Variants in MAGI2 observed in about 807,000 individuals in gnomAD.
The protein encoded by MAGI2 is membrane-associated guanylate kinase, WW and PDZ domain-containing protein 2.
In MAGI2, 35 loss-of-function variants were observed where a neutral mutation model predicts 133.3. The observed-to-expected ratio is 0.26, with a 90% CI of 0.20 to 0.35. MAGI2 has a LOEUF of 0.35. Ranked by LOEUF, MAGI2 falls within the 10% of genes least tolerant of loss-of-function variation. The pLI, the probability that MAGI2 is intolerant of heterozygous loss-of-function variation, is 1.00. For missense variants in MAGI2, 1,636 were observed against 1,863.4 expected (o/e 0.88, Z 2.25); for synonymous variants, 729 against 710.6 (o/e 1.03, Z -0.41).
chr7:79,412,542 G>A (rs1429601528), intron 1 of MAGI2: 1 of 152,140 alleles, frequency 6.6e-6, no homozygotes, highest in African/African-American at 2.4e-5. Context: ...CATTTTTGTT[G>A]TCCTTCACCT....
intron 1 of MAGI2, among the ~76,000 whole-genome samples, chr7:79,286,933 A>C (rs1028353437): frequency 2.0e-5 from 3 of 152,134 alleles, no homozygotes; most frequent in African/African-American, 4.8e-5. Flanking sequence ...TCAGGGCTTT[A>C]GGGTATCCAT....
At chr7:78,171,962 G>A (rs1307684187) in intron 14 of MAGI2, among the ~76,000 whole-genome samples, 2 of 152,006 alleles carry the variant, frequency 1.3e-5, no homozygotes, top group Admixed American at 6.6e-5. Context: ...GCAAAACAGA[G>A]CAAGAAAGAA....
chr7:78,109,260 A>C (rs1377271155), intron 20 of MAGI2, among the ~76,000 whole-genome samples: 64 of 124,878 alleles, frequency 5.1e-4, no homozygotes, highest in Non-Finnish European at 9.1e-4. Context: ...GCCGACATCG[A>C]GCCACTGCAG....
Position 79,024,757 on chromosome 7 carries a change from C to T in MAGI2, c.302-17551G>A, listed in dbSNP as rs762013591. Among the ~76,000 whole-genome samples, 5 of 151,942 alleles carry T rather than the reference C, an allele frequency of 3.3e-5. 1 individual carries two copies. Among genetic ancestry groups the T allele is most frequent in the Admixed American group, 6.6e-5 (1 of 15,256 alleles). ...GACAACAAGCACATGAAAAAAAGCT[C>T]AATATCACTAATGATTACAGAAATG... On this transcript the variant is annotated intron_variant, in intron 1 of 21. Transcript: ENST00000354212.
chr7:78,435,540 C>G (rs1800202594), intron 6 of MAGI2, among the ~76,000 whole-genome samples: 1 of 152,046 alleles, frequency 6.6e-6, no homozygotes, highest in African/African-American at 2.4e-5. Context: ...CTCCATAAGC[C>G]AAGAAAACAA....
intron 10 of MAGI2, among the ~76,000 whole-genome samples, chr7:78,235,742 A>G (rs1040434666): frequency 1.4e-5 from 2 of 139,626 alleles, no homozygotes; most frequent in African/African-American, 4.9e-5. Context: ...AGAACAGACT[A>G]ATACTCTATT....
chr7:79,120,802 G>A (rs781541122), intron 1 of MAGI2, among the ~76,000 whole-genome samples: 3 of 151,962 alleles, frequency 2.0e-5, no homozygotes, highest in Non-Finnish European at 4.4e-5. Flanking sequence ...AATTGTGGGG[G>A]ACTCCAATGA....
intron 1 of MAGI2, among the ~76,000 whole-genome samples, chr7:79,150,050 A>G (rs1043051772): frequency 6.6e-6 from 1 of 152,114 alleles, no homozygotes; most frequent in Admixed American, 6.6e-5. Context: ...GCTGAAGTTA[A>G]CTAGCCACAT....
intron 2 of MAGI2, among the ~76,000 whole-genome samples, chr7:78,745,724 C>A (rs557716160): frequency 2.9e-4 from 44 of 152,246 alleles, no homozygotes; most frequent in African/African-American, 8.9e-4. Context: ...CACTTCTTAT[C>A]TTATTTTATT....
In MAGI2 at chr7:78,264,786, T is replaced by A. The variant is rs74569585; in HGVS notation, c.1409-8205A>T. On this transcript the variant is annotated intron_variant, in intron 9 of 21. Transcript: ENST00000354212. ...AAAGACAACTTCTAAGGTGCAGCTT[T>A]AAGAGTTCCTACATCTGATGAAAAT... Among the ~76,000 whole-genome samples the A allele has an allele frequency of 5.3e-3, 812 of 152,318 alleles. 7 individuals carry two copies. The highest frequency in any genetic ancestry group is 0.019 in the African/African-American group (777 of 41,562).
chr7:78,553,888 G>A (rs549356596), intron 3 of MAGI2, among the ~76,000 whole-genome samples: 33 of 152,158 alleles, frequency 2.2e-4, no homozygotes, highest in Non-Finnish European at 3.5e-4. Context: ...AGTAGGGCCC[G>A]GGGTAGTGGA....
chr7:79,056,359 G>C (rs1243750559), intron 1 of MAGI2, among the ~76,000 whole-genome samples: 2 of 151,666 alleles, frequency 1.3e-5, no homozygotes, highest in Non-Finnish European at 2.9e-5. Context: ...TTTTTCTAAA[G>C]AAAAAAAATC....
chr7:78,637,431 T>TAA (rs201371316), intron 2 of MAGI2, among the ~76,000 whole-genome samples: 2 of 135,786 alleles, frequency 1.5e-5, no homozygotes, highest in Non-Finnish European at 3.2e-5. Context: ...GATAATATGT[T>TAA]AAAAAAAAAA....
chr7:78,460,945 C>T (rs1449570330), intron 6 of MAGI2, among the ~76,000 whole-genome samples: 1 of 95,146 alleles, frequency 1.1e-5, no homozygotes. Flanking sequence ...TGGTAAAACA[C>T]ACACACACAC....
At chr7:78,107,686 T>A (rs1192961751) in intron 20 of MAGI2, among the ~76,000 whole-genome samples, 1 of 151,988 alleles carries the variant, frequency 6.6e-6, no homozygotes. Context: ...GTTACTGGTC[T>A]ATTCAGGATT....
intron 2 of MAGI2, among the ~76,000 whole-genome samples, chr7:78,866,741 A>C (rs1794590192): frequency 6.6e-6 from 1 of 152,100 alleles, no homozygotes; most frequent in Non-Finnish European, 1.5e-5. Context: ...TCTCCTGCTA[A>C]AGATAGTTGA....
intron 1 of MAGI2, among the ~76,000 whole-genome samples, chr7:79,148,459 T>A (rs950236975): frequency 1.3e-5 from 2 of 152,148 alleles, no homozygotes; most frequent in Non-Finnish European, 2.9e-5. Flanking sequence ...TCTCTCAGCA[T>A]TTAACCATTC....
intron 6 of MAGI2, among the ~76,000 whole-genome samples, chr7:78,449,813 G>C (rs1232394440): frequency 1.3e-5 from 2 of 151,974 alleles, no homozygotes; most frequent in Admixed American, 1.3e-4. Context: ...TCAGACCTGA[G>C]GTTTGGGATA....
chr7:79,174,405 G>C (rs1464004116), intron 1 of MAGI2, among the ~76,000 whole-genome samples: 1 of 152,014 alleles, frequency 6.6e-6, no homozygotes, highest in African/African-American at 2.4e-5. Context: ...AAAATTATTT[G>C]CACGTCTGAA....
Sources: allele counts gnomAD v4.1 joint callset (sites outside exome capture counted in the v4.1 genomes callset), GRCh38; gene constraint gnomAD v4.1.1; transcripts MANE v1.5; gene names NCBI Gene and HGNC (gene_info 2026-07-23, HGNC 2026-07-21).